NR2F1-AS1: variants seen among roughly 807,000 people sequenced by gnomAD.
NR2F1-AS1 encodes NR2F1 regulatory antisense RNA 1.
At chr5:93,549,320 T>C (rs1427685266) in intron 4 of NR2F1-AS1, among the ~76,000 whole-genome samples, 1 of 152,148 alleles carries the variant, frequency 6.6e-6, no homozygotes, top group Non-Finnish European at 1.5e-5. Flanking sequence ...TATATCCTTA[T>C]AAAGACAATG....
At chr5:93,451,960 GTGCTA>G (rs1167544684) in intron 4 of NR2F1-AS1, among the ~76,000 whole-genome samples, 2 of 152,124 alleles carry the variant, frequency 1.3e-5, no homozygotes, top group African/African-American at 2.4e-5. Flanking sequence ...TCATTCTACT[GTGCTA>G]TAAAGTCACA....
intron 4 of NR2F1-AS1, among the ~76,000 whole-genome samples, chr5:93,414,300 C>T (rs1319178606): frequency 6.6e-6 from 1 of 152,196 alleles, no homozygotes; most frequent in Non-Finnish European, 1.5e-5. Context: ...CCACTGTCCA[C>T]ATCTTTTTAT....
intron 4 of NR2F1-AS1, among the ~76,000 whole-genome samples, chr5:93,444,389 G>A (rs1207334751): frequency 1.3e-5 from 2 of 152,002 alleles, no homozygotes; most frequent in Non-Finnish European, 2.9e-5. Context: ...AAAAAAGCAG[G>A]GGTTGCAATC....
intron 4 of NR2F1-AS1, among the ~76,000 whole-genome samples, chr5:93,485,670 G>A (rs1580266783): frequency 1.3e-5 from 2 of 152,150 alleles, no homozygotes; most frequent in Middle Eastern, 3.4e-3. Context: ...TGAATTGACT[G>A]TAAACTAGTT....
intron 2 of NR2F1-AS1, among the ~76,000 whole-genome samples, chr5:93,559,763 T>C (rs1447377811): frequency 6.6e-6 from 1 of 152,222 alleles, no homozygotes; most frequent in Non-Finnish European, 1.5e-5. Context: ...TACACACATT[T>C]ATCAATTAGC....
intron 4 of NR2F1-AS1, chr5:93,545,005 C>T (rs1752049492): frequency 6.7e-6 from 1 of 149,388 alleles, no homozygotes; most frequent in Non-Finnish European, 1.5e-5. Flanking sequence ...AGAATGACTA[C>T]AAAGAGTTTG....
At chr5:93,480,262 T>A (rs1430477845) in intron 4 of NR2F1-AS1, among the ~76,000 whole-genome samples, 1 of 151,834 alleles carries the variant, frequency 6.6e-6, no homozygotes, top group Non-Finnish European at 1.5e-5. Flanking sequence ...AATCTTGAAA[T>A]CAGCAAGAGA....
At chr5:93,430,861 TATCATCATC>T (rs138817898) in intron 4 of NR2F1-AS1, among the ~76,000 whole-genome samples, 12 of 149,522 alleles carry the variant, frequency 8.0e-5, no homozygotes, top group East Asian at 3.9e-4. Context: ...TCCCTTGCTT[TATCATCATC>T]ATCATCATCA....
intron 4 of NR2F1-AS1, among the ~76,000 whole-genome samples, chr5:93,426,438 T>C (rs559260330): frequency 1.8e-4 from 28 of 152,320 alleles, no homozygotes; most frequent in African/African-American, 6.3e-4. Context: ...CCTGAACTTC[T>C]AGCATAATTT....
rs1469271051 is a variant in NR2F1-AS1 at position 93,423,975 on chromosome 5, G to C, written n.639-28433C>G. 3.3e-5 allele frequency among the ~76,000 whole-genome samples: 5 copies of C among 152,236 alleles called. No homozygotes were observed. In the East Asian group the frequency reaches 9.7e-4, roughly 29 times the overall value. ...TTAAACCCACAAGGATTGAGGAGCA[G>C]TATAGCAAAATCACCTGGGGGACAT... On this transcript the variant is annotated intron_variant and non_coding_transcript_variant, in intron 4 of 5. Coordinates refer to ENST00000660523, the Ensembl canonical transcript of NR2F1-AS1.
At chr5:93,429,420 C>T (rs977392082) in intron 4 of NR2F1-AS1, among the ~76,000 whole-genome samples, 7 of 152,172 alleles carry the variant, frequency 4.6e-5, no homozygotes, top group African/African-American at 1.7e-4. Flanking sequence ...TATCCCTTAC[C>T]TTTTAGCATA....
At chr5:93,415,731 T>C (rs1748954085) in intron 4 of NR2F1-AS1, among the ~76,000 whole-genome samples, 2 of 152,342 alleles carry the variant, frequency 1.3e-5, no homozygotes, top group South Asian at 4.1e-4. Flanking sequence ...ATTGCAAGCT[T>C]CCACTGTTCA....
At chr5:93,426,745 G>C (rs1749203554) in intron 4 of NR2F1-AS1, among the ~76,000 whole-genome samples, 1 of 152,174 alleles carries the variant, frequency 6.6e-6, no homozygotes, top group Non-Finnish European at 1.5e-5. Flanking sequence ...CATCTGAGAA[G>C]AGTGGGAAAA....
At chr5:93,430,740 T>C (rs1178369157) in intron 4 of NR2F1-AS1, among the ~76,000 whole-genome samples, 5 of 152,124 alleles carry the variant, frequency 3.3e-5, no homozygotes, top group Non-Finnish European at 7.3e-5. Context: ...CTGTCTGAAG[T>C]TTCCCGTCAT....
intron 4 of NR2F1-AS1, among the ~76,000 whole-genome samples, chr5:93,440,872 A>G (rs1459502576): frequency 6.6e-6 from 1 of 152,150 alleles, no homozygotes; most frequent in Non-Finnish European, 1.5e-5. Flanking sequence ...AAGCCTCCAA[A>G]CATTTCTTAC....
intron 4 of NR2F1-AS1, among the ~76,000 whole-genome samples, chr5:93,484,418 AC>A (rs1192574093): frequency 6.6e-6 from 1 of 152,190 alleles, no homozygotes; most frequent in Non-Finnish European, 1.5e-5. Flanking sequence ...TTTTGTCACC[AC>A]CAGGCCTGCC....
At chr5:93,514,153 A>C (rs1160351036) in intron 4 of NR2F1-AS1, among the ~76,000 whole-genome samples, 1 of 152,098 alleles carries the variant, frequency 6.6e-6, no homozygotes, top group Non-Finnish European at 1.5e-5. Flanking sequence ...TGGATGTTAA[A>C]TACAGGACTA....
intron 4 of NR2F1-AS1, among the ~76,000 whole-genome samples, chr5:93,412,815 A>T (rs982998610): frequency 6.6e-6 from 1 of 152,090 alleles, no homozygotes; most frequent in East Asian, 1.9e-4. Flanking sequence ...CTCACCTGTT[A>T]TCTACAATTC....
chr5:93,527,667 G>C (rs113562438), intron 4 of NR2F1-AS1, among the ~76,000 whole-genome samples: 2,032 of 152,258 alleles, frequency 0.013, 49 homozygotes, highest in African/African-American at 0.047. Flanking sequence ...CAATGGAACA[G>C]AACAGAGGGC....
Sources: gnomAD v4.1 joint callset for allele counts (sites outside exome capture counted in the v4.1 genomes callset) on GRCh38, gnomAD v4.1.1 for gene constraint, MANE v1.5 for transcripts, NCBI Gene and HGNC (gene_info 2026-07-23, HGNC 2026-07-21) for gene names.